Variants in SDK1 observed in about 807,000 individuals in gnomAD.
The protein encoded by SDK1 is protein sidekick-1.
A neutral mutation model predicts 245.5 loss-of-function variants in SDK1; 157 were observed. That is an observed-to-expected ratio of 0.64 (90% CI 0.56 to 0.73). The LOEUF (loss-of-function observed/expected upper bound fraction) is 0.73. SDK1 is among the 30% of genes least tolerant of loss of function. The pLI is 0.00. For synonymous variants in SDK1, 1,647 were observed against 1,278.5 expected (o/e 1.29, Z -6.15); for missense variants, 3,583 against 3,002.3 (o/e 1.19, Z -4.52).
chr7:3,361,785 T>C (rs1780960011), intron 1 of SDK1, among the ~76,000 whole-genome samples: 1 of 152,276 alleles, frequency 6.6e-6, no homozygotes, highest in African/African-American at 2.4e-5. Context: ...TATTGGTGCG[T>C]TTCTATTCTC....
Position 3,755,795 on chromosome 7 carries a change from C to T in SDK1, c.714-65655C>T, listed in dbSNP as rs117464435. ...AGCTTTTTGAACCTGAGTCCCTTCA[C>T]GTGGTATAGTGCATCTGACACATGC... On this transcript the variant is annotated intron_variant, in intron 4 of 44. Coordinates refer to ENST00000404826, the MANE Select transcript of SDK1 (RefSeq NM_152744.4). 5.7e-3 allele frequency among the ~76,000 whole-genome samples: 861 copies of T among 152,220 alleles called. 14 individuals are homozygous for T. The highest frequency in any genetic ancestry group is 4.9e-3 in the Non-Finnish European group (331 of 68,016).
chr7:3,450,288 T>C (rs779448956), intron 1 of SDK1, among the ~76,000 whole-genome samples: 2 of 152,116 alleles, frequency 1.3e-5, no homozygotes, highest in Non-Finnish European at 2.9e-5. Flanking sequence ...TGAAAGTGGG[T>C]TATAGTAAGT....
At chr7:3,409,067 C>T (rs1437125973) in intron 1 of SDK1, among the ~76,000 whole-genome samples, 1 of 152,138 alleles carries the variant, frequency 6.6e-6, no homozygotes, top group Non-Finnish European at 1.5e-5. Flanking sequence ...CTGTGGTTAG[C>T]TTCTTTTCCC....
chr7:3,717,072 G>A (rs979883264), intron 4 of SDK1, among the ~76,000 whole-genome samples: 8 of 152,116 alleles, frequency 5.3e-5, no homozygotes, highest in Non-Finnish European at 1.2e-4. Context: ...TTTAAAAGTG[G>A]GGAAGGGAAA....
chr7:4,162,318 T>G (rs998583881), intron 32 of SDK1, among the ~76,000 whole-genome samples: 8 of 151,886 alleles, frequency 5.3e-5, no homozygotes, highest in African/African-American at 1.2e-4. Flanking sequence ...TTGTACATAT[T>G]TTCCCAAAGT....
chr7:3,529,422 A>T (rs1036484808), intron 1 of SDK1, among the ~76,000 whole-genome samples: 1 of 152,332 alleles, frequency 6.6e-6, no homozygotes, highest in East Asian at 1.9e-4. Context: ...ACTCAGAATG[A>T]TGGGAGCCTT....
At chr7:3,623,628 T>C (rs186522294) in intron 2 of SDK1, among the ~76,000 whole-genome samples, 48 of 152,342 alleles carry the variant, frequency 3.2e-4, no homozygotes, top group South Asian at 2.1e-4. Context: ...ATTCAGCAAT[T>C]AAACTAAGTT....
intron 4 of SDK1, among the ~76,000 whole-genome samples, chr7:3,733,302 A>G (rs563660912): frequency 1.3e-5 from 2 of 152,382 alleles, no homozygotes; most frequent in East Asian, 3.9e-4. Flanking sequence ...AACAGATACT[A>G]TAATTGGGAA....
At position 4,026,077 on chromosome 7, in the gene SDK1, G is replaced by T. The variant is rs891554899; in HGVS notation, c.2602+8725G>T. Among the ~76,000 whole-genome samples, 38 of 150,838 alleles carry T rather than the reference G, an allele frequency of 2.5e-4. No individual in the cohort carries two copies. The highest frequency in any genetic ancestry group is 7.2e-4 in the Admixed American group (11 of 15,292). On this transcript the variant is annotated intron_variant, in intron 17 of 44. Coordinates refer to ENST00000404826, the MANE Select transcript of SDK1 (RefSeq NM_152744.4). This position sits in a 1 kb window ranked among gnomAD's most constrained non-coding sequence, Gnocchi z 4.1. ...CAGCGTTGGGGAGGTATGCCACTCA[G>T]CACCCTGGACACGCCAGGCCGCAGC...
chr7:3,637,109 G>T (rs1562620588), intron 2 of SDK1, among the ~76,000 whole-genome samples: 2 of 151,082 alleles, frequency 1.3e-5, no homozygotes, highest in Non-Finnish European at 1.5e-5. Flanking sequence ...GTGTGTGTGT[G>T]TGTTTTGAGA....
At chr7:3,386,300 C>G (rs1781608612) in intron 1 of SDK1, among the ~76,000 whole-genome samples, 1 of 152,100 alleles carries the variant, frequency 6.6e-6, no homozygotes, top group South Asian at 2.1e-4. Context: ...CTTTTAATAC[C>G]ATGCAGATTG....
chr7:3,858,019 C>A (rs1054368265), intron 5 of SDK1, among the ~76,000 whole-genome samples: 24 of 152,140 alleles, frequency 1.6e-4, no homozygotes, highest in African/African-American at 5.1e-4. Context: ...CTCCCCAAAT[C>A]TATAAATTCG....
intron 44 of SDK1, among the ~76,000 whole-genome samples, chr7:4,257,627 T>TAGA (rs1787712531): frequency 6.6e-6 from 1 of 152,168 alleles, no homozygotes; most frequent in Non-Finnish European, 1.5e-5. Context: ...TGGCTCTGGG[T>TAGA]GTATTCTCAC....
rs1485951995 is a variant in SDK1, at chr7:4,101,339, GA to G, written c.3325-9323del. 3.3e-5 allele frequency among the ~76,000 whole-genome samples: 5 copies of G among 152,136 alleles called. No homozygotes were observed. The South Asian group carries it at 6.2e-4, about 19-fold the overall frequency. Reference sequence around the variant, plus strand: ...TTTTTTGTGTTTTTAGTAGAGACGGGAGTTTCACCGTGTTAGCCAGGATGGT... The same window carrying G: ...TTTTTTGTGTTTTTAGTAGAGACGGGGTTTCACCGTGTTAGCCAGGATGGT... On this transcript the variant is annotated intron_variant, in intron 22 of 44. Transcript: ENST00000404826.
At chr7:4,151,302 C>T (rs967970657) in intron 30 of SDK1, among the ~76,000 whole-genome samples, 1 of 152,182 alleles carries the variant, frequency 6.6e-6, no homozygotes, top group Non-Finnish European at 1.5e-5. Flanking sequence ...CACAGTCACC[C>T]TCTGCAGTCT....
intron 1 of SDK1, among the ~76,000 whole-genome samples, chr7:3,562,475 G>T (rs1423910254): frequency 6.6e-6 from 1 of 151,946 alleles, no homozygotes; most frequent in Non-Finnish European, 1.5e-5. Flanking sequence ...GGGATGCATG[G>T]GTGCTAAAAA....
chr7:4,102,821 G>A lies in SDK1; in HGVS notation c.3325-7842G>A, dbSNP rs139830562. Among the ~76,000 whole-genome samples the A allele has an allele frequency of 1.5e-3, 232 of 152,262 alleles. 1 individual carries two copies. Among genetic ancestry groups the A allele is most frequent in the African/African-American group, 5.3e-3 (222 of 41,554 alleles). On this transcript the variant is annotated intron_variant, in intron 22 of 44. Transcript: ENST00000404826. Reference sequence around the variant, plus strand: ...CTGCGTGGCGGGCGGCAGCATCCCCGTGGGTATAACAGACAGACAGCTCCC... The same window carrying A: ...CTGCGTGGCGGGCGGCAGCATCCCCATGGGTATAACAGACAGACAGCTCCC...
In SDK1 at chr7:3,885,262, G is replaced by C. The variant is rs560976949; in HGVS notation, c.847+63679G>C. Among the ~76,000 whole-genome samples, 3 of 152,290 alleles carry C rather than the reference G, an allele frequency of 2.0e-5. No individual in the cohort carries two copies. The South Asian group carries it at 6.2e-4, about 32-fold the overall frequency. On this transcript the variant is annotated intron_variant, in intron 5 of 44. Coordinates refer to ENST00000404826, the MANE Select transcript of SDK1 (RefSeq NM_152744.4). ...GTGCACTGGCAGTGACTCTAGGCCGGCTGCTTTGGGAATAACGTCTGTAAA... is the reference window on the plus strand; with the variant it reads ...GTGCACTGGCAGTGACTCTAGGCCGCCTGCTTTGGGAATAACGTCTGTAAA...
chr7:3,783,348 T>C (rs1241049181), intron 4 of SDK1, among the ~76,000 whole-genome samples: 3 of 151,956 alleles, frequency 2.0e-5, no homozygotes, highest in Non-Finnish European at 2.9e-5. Flanking sequence ...GCATTGGAAG[T>C]CCTCACCAGA....
Sources: gnomAD v4.1 joint callset for allele counts (sites outside exome capture counted in the v4.1 genomes callset) on GRCh38, gnomAD v4.1.1 for gene constraint, Gnocchi (gnomAD v3.1) non-coding constraint, MANE v1.5 for transcripts, NCBI Gene and HGNC (gene_info 2026-07-23, HGNC 2026-07-21) for gene names.